RHOA: variants seen among roughly 807,000 people sequenced by gnomAD.
RHOA encodes the protein transforming protein RhoA.
In RHOA, 3 loss-of-function variants were observed where a neutral mutation model predicts 17.5. The observed-to-expected ratio is 0.17, with a 90% confidence interval of 0.08 to 0.44. The LOEUF is 0.44. RHOA is among the 20% of genes least tolerant of loss of function. The probability of loss-of-function intolerance (pLI) is 0.99; values close to 1 mark genes in which losing one functional copy is unlikely to be tolerated. For missense variants in RHOA, 56 were observed against 242.3 expected (o/e 0.23, Z 5.10); for synonymous variants, 98 against 88.4 (o/e 1.11, Z -0.61).
intron 1 of RHOA, among the ~76,000 whole-genome samples, chr3:49,380,997 C>CTT (rs760030517): frequency 1.4e-5 from 2 of 142,224 alleles, no homozygotes; most frequent in Non-Finnish European, 1.5e-5. Flanking sequence ...AATCTAGTAA[C>CTT]TTTTTTTTTT....
intron 1 of RHOA, among the ~76,000 whole-genome samples, chr3:49,392,711 A>C (rs997027254): frequency 5.9e-5 from 9 of 152,184 alleles, no homozygotes; most frequent in African/African-American, 2.2e-4. Context: ...CTCAATAGCC[A>C]CATGTGGCTG....
intron 1 of RHOA, among the ~76,000 whole-genome samples, chr3:49,396,242 T>TGGG (rs1559513674): frequency 1.3e-5 from 2 of 152,070 alleles, no homozygotes; most frequent in African/African-American, 4.8e-5. Context: ...TGAGAAAACG[T>TGGG]GGGCACTGAG....
chr3:49,397,847 T>C (rs1272033269), intron 1 of RHOA, among the ~76,000 whole-genome samples: 1 of 152,068 alleles, frequency 6.6e-6, no homozygotes, highest in Non-Finnish European at 1.5e-5. Flanking sequence ...TCATAACAGC[T>C]GATAGAGGCA....
Position 49,376,380 on chromosome 3 carries a change from ACGCC to A in RHOA, c.-2-793_-2-790del, listed in dbSNP as rs560554798. The stretch of plus-strand genomic sequence containing the variant: ...TCAATTGAGCCAGGCGCAGTGGCTC[ACGCC>A]TATAATCCCAGCACTTTGGGAGGCC... On this transcript the variant is annotated intron_variant, in intron 1 of 4. Coordinates refer to ENST00000418115, the MANE Select transcript of RHOA (RefSeq NM_001664.4). Among the ~76,000 whole-genome samples, 15 of 152,064 alleles carry A rather than the reference ACGCC, an allele frequency of 9.9e-5. No homozygotes were observed. The South Asian group carries it at 3.1e-3, about 32-fold the overall frequency.
intron 1 of RHOA, among the ~76,000 whole-genome samples, chr3:49,403,823 G>T (rs567343222): frequency 6.6e-6 from 1 of 152,162 alleles, no homozygotes; most frequent in African/African-American, 2.4e-5. Flanking sequence ...TAAACCTCAG[G>T]TGATTCCAAT....
At chr3:49,387,249 C>T (rs1246420883) in intron 1 of RHOA, among the ~76,000 whole-genome samples, 1 of 146,180 alleles carries the variant, frequency 6.8e-6, no homozygotes, top group Non-Finnish European at 1.5e-5. Context: ...TTGAGACCAT[C>T]CTGGCTAATA....
chr3:49,400,767 C>T (rs1292711584), intron 1 of RHOA, among the ~76,000 whole-genome samples: 5 of 151,320 alleles, frequency 3.3e-5, no homozygotes, highest in Admixed American at 2.0e-4. Context: ...AATTTCCAGC[C>T]GGGCACGGTG....
chr3:49,393,674 C>CTGTGTGTGTGTGTGTG (rs200446484), intron 1 of RHOA, among the ~76,000 whole-genome samples: 1 of 4,354 alleles, frequency 2.3e-4, no homozygotes, highest in African/African-American at 7.1e-4. Context: ...CAAATTCTCT[C>CTGTGTGTGTGTGTGTG]TCTGTGTGTG....
At chr3:49,374,500 T>C (rs954682227) in intron 2 of RHOA, among the ~76,000 whole-genome samples, 26 of 151,434 alleles carry the variant, frequency 1.7e-4, no homozygotes, top group African/African-American at 5.3e-4. Flanking sequence ...AGGTGGATCA[T>C]CTGAGGTCAG....
At chr3:49,400,503 C>G (rs1220323644) in intron 1 of RHOA, among the ~76,000 whole-genome samples, 1 of 152,160 alleles carries the variant, frequency 6.6e-6, no homozygotes, top group Middle Eastern at 3.2e-3. Flanking sequence ...AGCACTTCGT[C>G]TTTCAGTGCT....
chr3:49,360,326 C>T lies in RHOA; in HGVS notation c.465G>A (p.Gly155=), dbSNP rs1322944057. ...TGGTCTTTGCTGAACACTCCATGTA[C>T]CCAAAAGCGCCAATCCTGTTTGCCA... ...RDMANRIGAF[G]YMECSAKTKD... Residue 155 remains glycine, a synonymous_variant, in exon 5 of 5, where the codon GGG becomes GGA. Transcript: ENST00000418115. 6.2e-7 allele frequency: 1 copy of T among 1,614,060 alleles called. No individual in the cohort carries two copies. Among genetic ancestry groups the T allele is most frequent in the Admixed American group, 1.7e-5 (1 of 59,992 alleles).
chr3:49,384,799 G>A (rs1029748623), intron 1 of RHOA, among the ~76,000 whole-genome samples: 2 of 151,980 alleles, frequency 1.3e-5, no homozygotes, highest in African/African-American at 2.4e-5. Context: ...AGTGGCTCAC[G>A]CCTGTAATCC....
At chr3:49,381,527 A>C (rs563887558) in intron 1 of RHOA, among the ~76,000 whole-genome samples, 1 of 151,966 alleles carries the variant, frequency 6.6e-6, no homozygotes, top group Admixed American at 6.6e-5. Context: ...GTGAGCTGAG[A>C]ACGCGCCACT....
chr3:49,393,788 C>A (rs965590874), intron 1 of RHOA, among the ~76,000 whole-genome samples: 1 of 151,282 alleles, frequency 6.6e-6, no homozygotes, highest in African/African-American at 2.4e-5. Flanking sequence ...CGGCTCACTG[C>A]AACCTCCGCC....
chr3:49,399,396 TG>T (rs1057438085), intron 1 of RHOA, among the ~76,000 whole-genome samples: 2 of 150,626 alleles, frequency 1.3e-5, no homozygotes, highest in African/African-American at 4.9e-5. Flanking sequence ...TGTTAACAAA[TG>T]ATCTCTGAGA....
At chr3:49,411,164 G>C (rs1268981588) in intron 1 of RHOA, among the ~76,000 whole-genome samples, 2 of 151,636 alleles carry the variant, frequency 1.3e-5, no homozygotes, top group Non-Finnish European at 2.9e-5. Context: ...TTTCCAAATG[G>C]AAAATACCCC....
At chr3:49,404,457 C>CACACACACACACACACACACACACAA (rs1447646944) in intron 1 of RHOA, among the ~76,000 whole-genome samples, 7 of 146,984 alleles carry the variant, frequency 4.8e-5, no homozygotes, top group South Asian at 2.2e-4. Flanking sequence ...CACACACACA[C>CACACACACACACACACACACACACAA]AAAATTAGCC....
chr3:49,377,554 C>A (rs1160080569), intron 1 of RHOA, among the ~76,000 whole-genome samples: 1 of 150,010 alleles, frequency 6.7e-6, no homozygotes, highest in Non-Finnish European at 1.5e-5. Flanking sequence ...GATTGCATCA[C>A]TACACTCCAG....
chr3:49,411,271 C>A (rs1001008481), intron 1 of RHOA, among the ~76,000 whole-genome samples: 2 of 152,128 alleles, frequency 1.3e-5, no homozygotes, highest in Admixed American at 1.3e-4. Flanking sequence ...TCAATACAAT[C>A]TTTTACTTAC....
Sources: gnomAD v4.1 joint callset for allele counts (sites outside exome capture counted in the v4.1 genomes callset) on GRCh38, gnomAD v4.1.1 for gene constraint, MANE v1.5 for transcripts, NCBI Gene and HGNC (gene_info 2026-07-23, HGNC 2026-07-21) for gene names.